The following SPECC1 variants were observed in gnomAD, a reference collection of about 807,000 sequenced individuals.
The protein encoded by SPECC1 is cytospin-B.
In SPECC1, 62 loss-of-function variants were observed where a neutral mutation model predicts 104.1. The ratio of observed to expected loss-of-function variants is 0.60; its 90% CI spans 0.49 to 0.74. SPECC1 has a LOEUF of 0.74. SPECC1 is among the 30% of genes least tolerant of loss of function. The pLI is 0.00. For missense variants in SPECC1, 1,306 were observed against 1,310.5 expected (o/e 1.00, Z 0.05); for synonymous variants, 513 against 501.6 (o/e 1.02, Z -0.30).
intron 12 of SPECC1, among the ~76,000 whole-genome samples, chr17:20,277,963 G>C (rs1287738159): frequency 1.3e-5 from 2 of 152,154 alleles, no homozygotes; most frequent in Non-Finnish European, 2.9e-5. Context: ...ACCCCATCCT[G>C]GGTCAGGAGT....
At position 20,205,532 on chromosome 17, in the gene SPECC1, T is replaced by C. The variant is rs1482666635; in HGVS notation, c.1483T>C (p.Leu495=). 2.5e-6 allele frequency: 4 copies of C among 1,614,182 alleles called. No individual in the cohort carries two copies. The change falls in exon 4 of 15, where the codon TTG becomes CTG. Residue 495 remains leucine (L), a synonymous_variant. Coordinates refer to ENST00000395527, the MANE Select transcript of SPECC1 (RefSeq NM_001243439.2). The part of the protein sequence containing the change: ...LNIQQQLTCS[L]RKVEEENQGA... ...CATTCAGCAGCAGTTGACCTGTAGC[T>C]TGCGGAAGGTTGAGGAAGAAAACCA...
At chr17:20,262,627 T>G (rs2040069119) in intron 12 of SPECC1, among the ~76,000 whole-genome samples, 1 of 152,182 alleles carries the variant, frequency 6.6e-6, no homozygotes, top group Non-Finnish European at 1.5e-5. Flanking sequence ...AACAATATTT[T>G]GCTAAAATTT....
At chr17:20,226,707 C>T (rs1052543696) in intron 4 of SPECC1, among the ~76,000 whole-genome samples, 2 of 152,120 alleles carry the variant, frequency 1.3e-5, no homozygotes, top group South Asian at 2.1e-4. Context: ...ACAGATGAAG[C>T]GATTGTGCCG....
intron 13 of SPECC1, among the ~76,000 whole-genome samples, chr17:20,302,839 T>C (rs1406335858): frequency 7.1e-6 from 1 of 140,598 alleles, no homozygotes; most frequent in Non-Finnish European, 1.5e-5. Flanking sequence ...GGGGGATCCC[T>C]TGAGCCCAGG....
intron 3 of SPECC1, among the ~76,000 whole-genome samples, chr17:20,185,703 A>C (rs2035223386): frequency 1.3e-5 from 2 of 152,232 alleles, no homozygotes; most frequent in Non-Finnish European, 2.9e-5. Context: ...GAATTCATTC[A>C]TTCATGTTGG....
intron 3 of SPECC1, among the ~76,000 whole-genome samples, chr17:20,200,244 A>G (rs904265310): frequency 6.6e-5 from 10 of 152,216 alleles, no homozygotes; most frequent in Admixed American, 6.5e-4. Context: ...GCTGTTCTCA[A>G]TATCATGTGT....
chr17:20,216,504 C>CT (rs1170934071), intron 4 of SPECC1, among the ~76,000 whole-genome samples: 10 of 152,100 alleles, frequency 6.6e-5, no homozygotes, highest in African/African-American at 1.9e-4. Context: ...TTACATGTGT[C>CT]TGACAAGCAT....
At chr17:20,312,349 A>G (rs1314624575) in intron 14 of SPECC1, among the ~76,000 whole-genome samples, 3 of 79,660 alleles carry the variant, frequency 3.8e-5, no homozygotes, top group African/African-American at 3.2e-4. Flanking sequence ...TCTTTTCACA[A>G]ATTCTCAAAT....
At chr17:20,163,134 G>C (rs991340636) in intron 3 of SPECC1, among the ~76,000 whole-genome samples, 2 of 152,158 alleles carry the variant, frequency 1.3e-5, no homozygotes, top group African/African-American at 4.8e-5. Flanking sequence ...ATGTCAGTGG[G>C]TTAAGCTCCC....
At chr17:20,149,579 A>T (rs1314246477) in intron 3 of SPECC1, among the ~76,000 whole-genome samples, 2 of 152,194 alleles carry the variant, frequency 1.3e-5, no homozygotes, top group Admixed American at 1.3e-4. Flanking sequence ...ACTGGGGGGA[A>T]ATTCATGGAA....
chr17:20,246,140 C>T, intron 8 of SPECC1, 69 bp downstream of exon 8: 8 of 1,566,380 alleles, frequency 5.1e-6, no homozygotes, highest in Non-Finnish European at 7.0e-6. Context: ...GATATGTCTA[C>T]TATCTCTACT....
rs138809165 is a variant in SPECC1 at position 20,250,780 on chromosome 17, G to A, written c.2599-2725G>A. On this transcript the variant is annotated intron_variant, in intron 9 of 14. Coordinates refer to ENST00000395527, the MANE Select transcript of SPECC1 (RefSeq NM_001243439.2). The stretch of plus-strand genomic sequence containing the variant: ...AAGAAAATTAAAAGGTCTTTCTCAC[G>A]AACCTCTTTGCAAAAATCCTGAACA... Among the ~76,000 whole-genome samples, 83 of 152,278 alleles carry A rather than the reference G, an allele frequency of 5.5e-4. 1 individual carries two copies. The East Asian group carries it at 6.7e-3, about 12-fold the overall frequency.
intron 3 of SPECC1, among the ~76,000 whole-genome samples, chr17:20,149,648 C>G (rs550187656): frequency 5.3e-5 from 8 of 152,234 alleles, no homozygotes; most frequent in African/African-American, 1.9e-4. Context: ...TTCTTTGTAT[C>G]CTTTTGCTGT....
At chr17:20,174,544 G>T (rs2034325604) in intron 3 of SPECC1, among the ~76,000 whole-genome samples, 1 of 152,034 alleles carries the variant, frequency 6.6e-6, no homozygotes, top group African/African-American at 2.4e-5. Flanking sequence ...CAGTCCCAGG[G>T]GATTGAGCTG....
chr17:20,250,449 T>A (rs1205596984), intron 9 of SPECC1, among the ~76,000 whole-genome samples: 1 of 152,218 alleles, frequency 6.6e-6, no homozygotes, highest in African/African-American at 2.4e-5. Flanking sequence ...TTCATAATTA[T>A]TAAAGCAATA....
intron 12 of SPECC1, among the ~76,000 whole-genome samples, chr17:20,290,811 ATTC>A (rs1161769680): frequency 6.6e-6 from 1 of 152,172 alleles, no homozygotes; most frequent in East Asian, 1.9e-4. Flanking sequence ...CCCAAAAACT[ATTC>A]TTGACAGTGT....
At position 20,176,317 on chromosome 17, in the gene SPECC1, C is replaced by T. The variant is rs572291941; in HGVS notation, c.284-28016C>T. On this transcript the variant is annotated intron_variant, in intron 3 of 14. Transcript: ENST00000395527. ...CCTTCTCTTTTTCTTTTGTCTTCTC[C>T]GCCTCGTTTTCCTACTTTTCAGTCA... Among the ~76,000 whole-genome samples, 32 of 152,194 alleles carry T rather than the reference C, an allele frequency of 2.1e-4. No homozygotes were observed. The East Asian group carries it at 5.4e-3, about 26-fold the overall frequency.
chr17:20,198,833 C>G (rs1427369608), intron 3 of SPECC1, among the ~76,000 whole-genome samples: 1 of 152,178 alleles, frequency 6.6e-6, no homozygotes, highest in African/African-American at 2.4e-5. Context: ...TTCTCTTCCT[C>G]TTTGGTTTCC....
chr17:20,020,821 A>G (rs569856361), intron 1 of SPECC1, among the ~76,000 whole-genome samples: 2 of 152,122 alleles, frequency 1.3e-5, no homozygotes, highest in African/African-American at 4.8e-5. Flanking sequence ...AGCTATTCTA[A>G]TGAGGTTCAT....
Sources: gnomAD v4.1 joint callset for allele counts (sites outside exome capture counted in the v4.1 genomes callset) on GRCh38, gnomAD v4.1.1 for gene constraint, MANE v1.5 for transcripts, NCBI Gene and HGNC (gene_info 2026-07-23, HGNC 2026-07-21) for gene names.